The following IRAG1 variants were observed in gnomAD, a reference collection of about 807,000 sequenced individuals.
IRAG1 encodes the protein inositol 1,4,5-triphosphate receptor associated 1.
Under a neutral mutation model 106.2 loss-of-function variants are expected in IRAG1, and 62 were observed. That is an observed-to-expected ratio of 0.58 (90% CI 0.48 to 0.72). IRAG1 has a LOEUF of 0.72. Among genes scored for constraint, IRAG1 ranks in the 30% least tolerant of loss-of-function variants. The pLI, the probability that IRAG1 is intolerant of heterozygous loss-of-function variation, is 0.00. For synonymous variants in IRAG1, 462 were observed against 443.9 expected (o/e 1.04, Z -0.51); for missense variants, 1,064 against 1,140.7 (o/e 0.93, Z 0.97).
intron 1 of IRAG1, among the ~76,000 whole-genome samples, chr11:10,670,995 A>G (rs1860174394): frequency 6.6e-6 from 1 of 152,246 alleles, no homozygotes; most frequent in Non-Finnish European, 1.5e-5. Context: ...ATAGCTATTG[A>G]TAGAATCTCT....
At chr11:10,642,177 C>T (rs1457393421) in intron 2 of IRAG1, among the ~76,000 whole-genome samples, 1 of 152,214 alleles carries the variant, frequency 6.6e-6, no homozygotes, top group African/African-American at 2.4e-5. Context: ...TTTCCCTTCC[C>T]TGGAATCAGC....
intron 2 of IRAG1, among the ~76,000 whole-genome samples, chr11:10,650,440 T>A (rs1252701792): frequency 6.6e-6 from 1 of 151,996 alleles, no homozygotes; most frequent in African/African-American, 2.4e-5. Flanking sequence ...TTTGGGGGAG[T>A]TGCCCAGGAT....
At chr11:10,610,376 G>C (rs920446023) in intron 10 of IRAG1, among the ~76,000 whole-genome samples, 15 of 152,312 alleles carry the variant, frequency 9.8e-5, no homozygotes, top group East Asian at 3.9e-4. Flanking sequence ...ATCTTTTACA[G>C]ATCTCAGAAA....
intron 20 of IRAG1, among the ~76,000 whole-genome samples, chr11:10,580,033 G>T (rs1480921629): frequency 6.6e-6 from 1 of 152,198 alleles, no homozygotes; most frequent in Non-Finnish European, 1.5e-5. Flanking sequence ...CCCTGTTCTT[G>T]TAAGAAACTC....
Position 10,619,560 on chromosome 11 carries a change from C to G in IRAG1, c.1447+4218G>C, listed in dbSNP as rs189367217. 2.3e-3 allele frequency among the ~76,000 whole-genome samples: 356 copies of G among 152,322 alleles called. 2 individuals are homozygous for G. The highest frequency in any genetic ancestry group is 4.0e-3 in the Non-Finnish European group (274 of 68,032). On this transcript the variant is annotated intron_variant, in intron 10 of 20. Coordinates refer to ENST00000423302, the MANE Select transcript of IRAG1 (RefSeq NM_130385.4). ...ACACGGAGGGTTGCCCACCACATCT[C>G]TAGCACTGTGGAGCACAGTGTACAA...
At chr11:10,623,628 G>A (rs374165370) in intron 10 of IRAG1, 150 bp downstream of exon 10, 53 of 747,548 alleles carry the variant, frequency 7.1e-5, no homozygotes, top group African/African-American at 4.9e-4. Flanking sequence ...GGTGCTGAGC[G>A]GGCAGAAGAC....
At position 10,634,063 on chromosome 11, in the gene IRAG1, A is replaced by G. The variant is rs757516565; in HGVS notation, c.234T>C (p.Pro78=). 1.9e-6 allele frequency: 3 copies of G among 1,604,592 alleles called. No homozygotes were observed. Among genetic ancestry groups the G allele is most frequent in the Non-Finnish European group, 2.6e-6 (3 of 1,173,998 alleles). The change falls in exon 3 of 21, where the codon CCT becomes CCC. Residue 78 remains proline (P), a synonymous_variant. Transcript: ENST00000423302. ...TTGGACTGCAAGATACTCCTGCGGCAGGAGGACCCTGCCGGTTTAGAACAA... is the reference window on the plus strand; with the variant it reads ...TTGGACTGCAAGATACTCCTGCGGCGGGAGGACCCTGCCGGTTTAGAACAA... ...AAQSPAGQGP[P]AAGVSCSPTP... is the part of the protein sequence containing the mutation.
intron 1 of IRAG1, 53 bp from the exon 2 acceptor site, chr11:10,652,235 C>G: frequency 6.3e-7 from 1 of 1,598,346 alleles, no homozygotes; most frequent in Non-Finnish European, 8.6e-7. Flanking sequence ...CTGTCCCAAG[C>G]TGGGTTCCAT....
At chr11:10,614,770 C>G (rs1454578450) in intron 10 of IRAG1, among the ~76,000 whole-genome samples, 1 of 152,222 alleles carries the variant, frequency 6.6e-6, no homozygotes, top group Admixed American at 6.5e-5. Flanking sequence ...TCCTTCCTTA[C>G]ACCTTATACA....
rs1386203677 is a variant in IRAG1 at position 10,576,099 on chromosome 11, T to C, written c.*233A>G. ...TTCCAATAGAGTTCCTTGGTGAAGG[T>C]GACTTCTTCATCCACTGGATGCTTT... On this transcript the variant is annotated 3_prime_UTR_variant, in exon 21 of 21. Coordinates refer to ENST00000423302, the MANE Select transcript of IRAG1 (RefSeq NM_130385.4). The C allele has an allele frequency of 9.1e-6, 5 of 547,714 alleles. No individual in the cohort carries two copies. The highest frequency in any genetic ancestry group is 1.3e-5 in the Non-Finnish European group (4 of 308,070). The allele number at this position is 547,714 out of a possible 1,614,324, so 33.9% of individuals were successfully genotyped here. A position where few individuals can be genotyped will look rare whatever the true frequency, so the allele number is the denominator to read the frequency against.
At chr11:10,593,725 C>G in intron 16 of IRAG1, 126 bp from the exon 17 acceptor site, 1 of 744,826 alleles carries the variant, frequency 1.3e-6, no homozygotes, top group East Asian at 2.8e-5. Context: ...TTTGGTTTTG[C>G]AGTAGCAATG....
At chr11:10,662,047 G>C (rs1467099340) in intron 1 of IRAG1, among the ~76,000 whole-genome samples, 1 of 152,162 alleles carries the variant, frequency 6.6e-6, no homozygotes, top group Admixed American at 6.5e-5. Flanking sequence ...ACACAGAATA[G>C]GCATTCACTA....
At chr11:10,579,573 G>C (rs1416951340) in intron 20 of IRAG1, among the ~76,000 whole-genome samples, 2 of 151,604 alleles carry the variant, frequency 1.3e-5, no homozygotes, top group African/African-American at 4.9e-5. Context: ...GGGCTGTCCT[G>C]AAAATCCAGA....
Position 10,603,219 on chromosome 11 carries a change from G to A in IRAG1, c.1776C>T (p.His592=), listed in dbSNP as rs1854180420. 1 of 1,613,306 alleles carries A rather than the reference G, an allele frequency of 6.2e-7. No individual in the cohort carries two copies. Among genetic ancestry groups the A allele is most frequent in the African/African-American group, 1.3e-5 (1 of 74,914 alleles). ...SSASLWHHCE[H]RETYQKLLED... ...CCAGCAACTTCTGGTAGGTTTCCCG[G>A]TGCTCACAGTGGTGCCAGAGTGAAG... The change falls in exon 14 of 21, where the codon CAC becomes CAT. Residue 592 remains histidine (H), a synonymous_variant. Coordinates refer to ENST00000423302, the MANE Select transcript of IRAG1 (RefSeq NM_130385.4).
At chr11:10,637,687 G>C (rs548539811) in intron 2 of IRAG1, among the ~76,000 whole-genome samples, 21 of 152,192 alleles carry the variant, frequency 1.4e-4, no homozygotes, top group African/African-American at 4.8e-4. Context: ...CCCATCTTTT[G>C]TTCAGTGGGC....
intron 1 of IRAG1, among the ~76,000 whole-genome samples, chr11:10,674,989 C>A (rs1860538202): frequency 2.0e-5 from 3 of 152,212 alleles, no homozygotes; most frequent in Admixed American, 2.0e-4. Context: ...GGACGCCGTG[C>A]ACTGGCACAC....
chr11:10,670,067 A>G (rs1874443), intron 1 of IRAG1, among the ~76,000 whole-genome samples: 95,686 of 152,118 alleles, frequency 0.63, 30,640 homozygotes, highest in East Asian at 0.97. Context: ...GACATAACCA[A>G]TTGAGATCAG....
chr11:10,593,003 A>T (rs1852850837), intron 17 of IRAG1, among the ~76,000 whole-genome samples: 2 of 152,338 alleles, frequency 1.3e-5, no homozygotes, highest in Admixed American at 6.5e-5. Flanking sequence ...CATTTGCTTA[A>T]CCAATCTCTT....
chr11:10,614,741 T>A (rs1393881100), intron 10 of IRAG1, among the ~76,000 whole-genome samples: 1 of 152,220 alleles, frequency 6.6e-6, no homozygotes, highest in Non-Finnish European at 1.5e-5. Context: ...TAGCCATATG[T>A]AGAAAGCTGA....
Sources: gnomAD v4.1 joint callset for allele counts (sites outside exome capture counted in the v4.1 genomes callset) on GRCh38, gnomAD v4.1.1 for gene constraint, MANE v1.5 for transcripts, NCBI Gene and HGNC (gene_info 2026-07-23, HGNC 2026-07-21) for gene names.